The following MTOR variants were observed in gnomAD, a reference collection of about 807,000 sequenced individuals.
The protein encoded by MTOR is mechanistic target of rapamycin kinase, also known as serine/threonine-protein kinase mTOR.
A neutral mutation model predicts 319.8 loss-of-function variants in MTOR; 70 were observed. The ratio of observed to expected loss-of-function variants is 0.22; its 90% CI spans 0.18 to 0.27. The LOEUF (loss-of-function observed/expected upper bound fraction) is 0.27, where lower values mean the gene tolerates loss of function less well. MTOR is among the 10% of genes least tolerant of loss of function. The probability of loss-of-function intolerance (pLI) is 1.00; values close to 1 mark genes in which losing one functional copy is unlikely to be tolerated. For missense variants in MTOR, 1,890 were observed against 3,274.4 expected, an observed-to-expected ratio of 0.58 and a Z score of 10.32; for synonymous variants, 1,183 against 1,211.4, an observed-to-expected ratio of 0.98 and a Z score of 0.49.
At chr1:11,241,469 C>T (rs1224837831) in intron 10 of MTOR, 84 bp downstream of exon 10, 18 of 1,489,708 alleles carry the variant, frequency 1.2e-5, no homozygotes, top group Non-Finnish European at 1.6e-5. Flanking sequence ...GTGCAAACAA[C>T]CATGCCTCAT....
At chr1:11,240,606 G>A (rs2100910836) in intron 10 of MTOR, 59 bp from the exon 11 acceptor site, 2 of 1,562,784 alleles carry the variant, frequency 1.3e-6, no homozygotes, top group Non-Finnish European at 1.7e-6. Flanking sequence ...GTCTGTTCTT[G>A]GGAAGAAACA....
At chr1:11,192,268 A>G (rs1279995389) in intron 28 of MTOR, 1 of 1,610,634 alleles carries the variant, frequency 6.2e-7, no homozygotes, top group Admixed American at 1.7e-5. Flanking sequence ...GTTCTCTTGT[A>G]GATGCCATCT....
At chr1:11,182,691 A>T (rs1645196954) in intron 28 of MTOR, among the ~76,000 whole-genome samples, 1 of 151,984 alleles carries the variant, frequency 6.6e-6, no homozygotes, top group Non-Finnish European at 1.5e-5. Flanking sequence ...TGTAAACCCT[A>T]CTCTGACTTC....
At chr1:11,255,382 CAAAAAAAAAA>C (rs56328160) in intron 5 of MTOR, among the ~76,000 whole-genome samples, 238 of 98,134 alleles carry the variant, frequency 2.4e-3, no homozygotes, top group East Asian at 4.3e-3. Flanking sequence ...ACTCCATCTC[CAAAAAAAAAA>C]AAAAAAAAAA....
chr1:11,155,278 T>G lies in MTOR; in HGVS notation c.4469+1874A>C, dbSNP rs186880099. On this transcript the variant is annotated intron_variant, in intron 30 of 57. Coordinates refer to ENST00000361445, the MANE Select transcript of MTOR (RefSeq NM_004958.4). ...ATATGGAACAGTGGCCTAGACTTGT[T>G]AAGTGAAAACAGCAGAGTGCAAAAT... Among the ~76,000 whole-genome samples the G allele has an allele frequency of 9.2e-5, 14 of 152,262 alleles. No homozygotes were observed. In the East Asian group the frequency reaches 2.7e-3, roughly 29 times the overall value.
At chr1:11,154,401 T>C (rs948691690) in intron 30 of MTOR, among the ~76,000 whole-genome samples, 3 of 151,646 alleles carry the variant, frequency 2.0e-5, no homozygotes, top group African/African-American at 7.3e-5. Context: ...CTTTTAATGT[T>C]AATTTATAAA....
chr1:11,122,701 G>A (rs1319278960), intron 47 of MTOR, among the ~76,000 whole-genome samples: 2 of 151,648 alleles, frequency 1.3e-5, no homozygotes, highest in Non-Finnish European at 2.9e-5. Flanking sequence ...TAGAGACGGG[G>A]TTTCACTATG....
Position 11,107,392 on chromosome 1 carries a change from C to A in MTOR, c.*93G>T, listed in dbSNP as rs1487009753. 2.6e-6 allele frequency: 4 copies of A among 1,566,574 alleles called. No homozygotes were observed. The highest frequency in any genetic ancestry group is 2.8e-5 in the African/African-American group (2 of 72,062). ...TACATTTCAAAATATTTAACAAAGT[C>A]AAACTTTCTCACCATGGTTTCAGTT... is the stretch of plus-strand genomic sequence containing the variant. On this transcript the variant is annotated 3_prime_UTR_variant, in exon 58 of 58. Transcript: ENST00000361445.
At chr1:11,189,807 C>T (rs770183500) in intron 28 of MTOR, 10 of 1,614,072 alleles carry the variant, frequency 6.2e-6, no homozygotes, top group East Asian at 2.2e-5. Flanking sequence ...ACTGGGTCAG[C>T]GTGGTCATGC....
chr1:11,159,405 G>A (rs1305470277), intron 29 of MTOR, among the ~76,000 whole-genome samples: 4 of 152,146 alleles, frequency 2.6e-5, no homozygotes, highest in African/African-American at 2.4e-5. Flanking sequence ...ACTTTGGGAG[G>A]CCGAGGTGGG....
chr1:11,137,152 T>TAAAA (rs33927011), intron 36 of MTOR, among the ~76,000 whole-genome samples: 16 of 73,336 alleles, frequency 2.2e-4, no homozygotes, highest in Non-Finnish European at 2.8e-4. Flanking sequence ...TAAATCTGAT[T>TAAAA]AAAAAAAAAA....
intron 29 of MTOR, 127 bp from the exon 30 acceptor site, chr1:11,157,418 G>A: frequency 8.3e-7 from 1 of 1,208,554 alleles, no homozygotes; most frequent in South Asian, 1.8e-5. Context: ...AGTTACGTCT[G>A]GGCTTGGATT....
In MTOR at chr1:11,120,844, T is replaced by C. The variant is rs1003667557; in HGVS notation, c.6933+402A>G. Reference sequence around the variant, plus strand: ...ATATATATTTTTAAAAAATATTCTATCCACAGTTGGCTGAATCCACAGATG... The same window carrying C: ...ATATATATTTTTAAAAAATATTCTACCCACAGTTGGCTGAATCCACAGATG... On this transcript the variant is annotated intron_variant, in intron 49 of 57. Transcript: ENST00000361445. Among the ~76,000 whole-genome samples the C allele has an allele frequency of 2.6e-5, 4 of 152,140 alleles. No individual in the cohort carries two copies. In the East Asian group the frequency reaches 5.8e-4, roughly 22 times the overall value.
At chr1:11,135,341 T>C (rs759837743) in intron 36 of MTOR, among the ~76,000 whole-genome samples, 26 of 152,160 alleles carry the variant, frequency 1.7e-4, no homozygotes, top group Non-Finnish European at 7.4e-5. Context: ...GGAGATAGAA[T>C]GTACAAACAT....
rs1471388551 is a variant in MTOR, at chr1:11,199,816, GTGC to G, written c.3945-116_3945-114del. On this transcript the variant is annotated intron_variant, in intron 26 of 57. Coordinates refer to ENST00000361445, the MANE Select transcript of MTOR (RefSeq NM_004958.4). The surrounding 1 kb of genome is among the most constrained non-coding windows in gnomAD (Gnocchi z 4.5). ...TCACTGATTTTGGTTATACAAACCA[GTGC>G]TATACAGACCAGTGCTGTCCAAGAG... 14 of 1,040,046 alleles carry G rather than the reference GTGC, an allele frequency of 1.3e-5. No homozygotes were observed. Among genetic ancestry groups the G allele is most frequent in the Non-Finnish European group, 1.8e-5 (13 of 709,636 alleles). The allele number at this position is 1,040,046 out of a possible 1,614,324, so 64.4% of individuals were successfully genotyped here.
Position 11,128,799 on chromosome 1 carries a change from G to A in MTOR, c.5811+56C>T, listed in dbSNP as rs17036377. The stretch of plus-strand genomic sequence containing the variant: ...ACTGAACACAGCATGCTTGTAAGAG[G>A]AGACACACAGAAGAGAGACTTGGAG... On this transcript the variant is annotated intron_variant, in intron 41 of 57. Transcript: ENST00000361445. This position sits in a 1 kb window ranked among gnomAD's most constrained non-coding sequence, Gnocchi z 5.3. The A allele has an allele frequency of 2.2e-3, 3,155 of 1,409,860 alleles. 52 individuals carry two copies. In the African/African-American group the frequency reaches 0.036, roughly 16 times the overall value. 87.3% of individuals were successfully genotyped at this position (1,409,860 alleles called of 1,614,324 possible). A position where few individuals can be genotyped will look rare whatever the true frequency, so the allele number is the denominator to read the frequency against.
intron 26 of MTOR, among the ~76,000 whole-genome samples, 190 bp downstream of exon 26, chr1:11,204,371 G>C (rs577325788): frequency 6.6e-6 from 1 of 152,266 alleles, no homozygotes; most frequent in South Asian, 2.1e-4. Context: ...AGGAATTTGT[G>C]GTCTACTAGC....
At chr1:11,179,767 T>C (rs528697273) in intron 28 of MTOR, among the ~76,000 whole-genome samples, 2 of 151,496 alleles carry the variant, frequency 1.3e-5, no homozygotes, top group South Asian at 4.2e-4. Flanking sequence ...AAAAAAAAAA[T>C]GGGGCTACAG....
chr1:11,216,077 T>C (rs1206967099), intron 20 of MTOR, 71 bp downstream of exon 20: 2 of 1,081,436 alleles, frequency 1.8e-6, no homozygotes, highest in Non-Finnish European at 2.8e-6. Flanking sequence ...AAAGTCTATG[T>C]CATTCAAACT....
Sources: gnomAD v4.1 joint callset for allele counts (sites outside exome capture counted in the v4.1 genomes callset) on GRCh38, gnomAD v4.1.1 for gene constraint, Gnocchi (gnomAD v3.1) non-coding constraint, MANE v1.5 for transcripts, NCBI Gene and HGNC (gene_info 2026-07-23, HGNC 2026-07-21) for gene names.